Variants in KCTD19 observed in about 807,000 individuals in gnomAD.
The protein encoded by KCTD19 is BTB/POZ domain-containing protein KCTD19.
KCTD19 carries 67 observed loss-of-function variants against 103.5 expected under a neutral mutation model. The ratio of observed to expected loss-of-function variants is 0.65; its 90% CI spans 0.53 to 0.79. The LOEUF (loss-of-function observed/expected upper bound fraction) is 0.79, where lower values mean the gene tolerates loss of function less well. Among genes scored for constraint, KCTD19 ranks in the 30% least tolerant of loss-of-function variants. The pLI, the probability that KCTD19 is intolerant of heterozygous loss-of-function variation, is 0.00. For missense variants in KCTD19, 980 were observed against 1,136.1 expected (o/e 0.86, Z 1.98); for synonymous variants, 439 against 452.2 (o/e 0.97, Z 0.37).
chr16:67,291,020 G>C, intron 14 of KCTD19, 34 bp from the exon 15 acceptor site: 1 of 1,605,504 alleles, frequency 6.2e-7, no homozygotes, highest in Non-Finnish European at 8.5e-7. Flanking sequence ...GCAGTGCTAG[G>C]GCAGCTCCTA....
In KCTD19 at chr16:67,293,625, C is replaced by T. The variant is rs778232585; in HGVS notation, c.2137G>A (p.Glu713Lys). ...AGAGAKDKGP[E>K]PTFKPYLPPK... ...GGTAAGTATGGCTTGAAGGTTGGCT[C>T]TGGCCCCTTGTCTTTCGCTCCAGCT... The change falls in exon 12 of 16, where the codon GAG becomes AAG. Residue 713 changes from glutamate to lysine, a missense_variant. By Grantham distance (56) the Glu-to-Lys change is moderately conservative (BLOSUM62 1). Coordinates refer to ENST00000304372, the MANE Select transcript of KCTD19 (RefSeq NM_001100915.3). This position sits in a 1 kb window ranked among gnomAD's most constrained non-coding sequence, Gnocchi z 4.0. 2.5e-6 allele frequency: 4 copies of T among 1,614,056 alleles called. No individual in the cohort carries two copies. The highest frequency in any genetic ancestry group is 3.4e-6 in the Non-Finnish European group (4 of 1,180,028).
chr16:67,294,818 G>A lies in KCTD19; in HGVS notation c.1476-124C>T, dbSNP rs2036746082. The A allele has an allele frequency of 1.9e-5, 18 of 940,272 alleles. No homozygotes were observed. The South Asian group carries it at 2.5e-4, about 13-fold the overall frequency. The allele number at this position is 940,272 out of a possible 1,614,324, so 58.2% of individuals were successfully genotyped here. A position where few individuals can be genotyped will look rare whatever the true frequency, so the allele number is the denominator to read the frequency against. On this transcript the variant is annotated intron_variant, in intron 10 of 15. Transcript: ENST00000304372. ...CAGCAGGGAAGAAGGGGCTCTTAAA[G>A]GGTTTTGCCTAGGTCACTGGCCAAT...
chr16:67,312,204 A>G (rs2036956881), intron 2 of KCTD19, among the ~76,000 whole-genome samples: 1 of 152,214 alleles, frequency 6.6e-6, no homozygotes, highest in South Asian at 2.1e-4. Context: ...AGTGGACTTC[A>G]GGGGGGAAGT....
intron 2 of KCTD19, among the ~76,000 whole-genome samples, chr16:67,309,479 T>C (rs1255948470): frequency 6.6e-6 from 1 of 151,952 alleles, no homozygotes; most frequent in Non-Finnish European, 1.5e-5. Flanking sequence ...TTGGGTCTGA[T>C]TTGTGATGGA....
At chr16:67,315,844 C>T (rs1416360638) in intron 2 of KCTD19, among the ~76,000 whole-genome samples, 1 of 151,556 alleles carries the variant, frequency 6.6e-6, no homozygotes, top group East Asian at 2.0e-4. Flanking sequence ...CCAACCCTGA[C>T]CTCAAGTGAT....
intron 4 of KCTD19, 55 bp from the exon 5 acceptor site, chr16:67,301,977 G>A (rs929871780): frequency 6.3e-7 from 1 of 1,584,424 alleles, no homozygotes; most frequent in African/African-American, 1.3e-5. Context: ...TGGTTTAGCT[G>A]TAGGTCCTGG....
intron 15 of KCTD19, among the ~76,000 whole-genome samples, chr16:67,290,572 G>A (rs533564388): frequency 1.2e-4 from 19 of 152,172 alleles, no homozygotes; most frequent in Admixed American, 5.9e-4. Context: ...TGGTTGAAAA[G>A]GCCTCACTCC....
chr16:67,317,791 T>G (rs1253834252), intron 2 of KCTD19, among the ~76,000 whole-genome samples: 4 of 152,174 alleles, frequency 2.6e-5, no homozygotes, highest in African/African-American at 9.7e-5. Context: ...TATTGGATCA[T>G]CCTATGTTTT....
intron 4 of KCTD19, chr16:67,302,654 C>T (rs186337595): frequency 2.5e-5 from 4 of 161,668 alleles, no homozygotes; most frequent in Non-Finnish European, 5.3e-5. Flanking sequence ...GTGGACAATT[C>T]TGCTATGACT....
rs547440452 is a variant in KCTD19 at position 67,310,053 on chromosome 16, G to A, written c.301-5482C>T. 1.2e-4 allele frequency among the ~76,000 whole-genome samples: 19 copies of A among 152,312 alleles called. No individual in the cohort carries two copies. In the South Asian group the frequency reaches 3.3e-3, roughly 27 times the overall value. ...GGCATCGGCCTTGACCTAGGCTCAG[G>A]AGCCTCAACAAGGCTGTTTCCCGAA... On this transcript the variant is annotated intron_variant, in intron 2 of 15. Transcript: ENST00000304372.
chr16:67,290,167 C>CTTTTTTTTTTTTTTTTT (rs11296444), intron 15 of KCTD19, among the ~76,000 whole-genome samples: 1 of 69,282 alleles, frequency 1.4e-5, no homozygotes, highest in African/African-American at 5.8e-5. Context: ...TGAATATTTT[C>CTTTTTTTTTTTTTTTTT]TTTTTTTTTT....
intron 15 of KCTD19, among the ~76,000 whole-genome samples, chr16:67,290,458 G>A (rs907217767): frequency 1.3e-5 from 2 of 152,236 alleles, no homozygotes; most frequent in African/African-American, 2.4e-5. Flanking sequence ...GATTACAGGC[G>A]TGAGCCACCG....
In KCTD19 at chr16:67,303,108, C is replaced by CTGGGGGGGGGGGGGGGGGGGGGGG; in HGVS notation, c.643+37_643+38insCCCCCCCCCCCCCCCCCCCCCCCA. 1 of 798,078 alleles carries CTGGGGGGGGGGGGGGGGGGGGGGG rather than the reference C, an allele frequency of 1.3e-6. No homozygotes were observed. The highest frequency in any genetic ancestry group is 2.1e-6 in the Non-Finnish European group (1 of 476,660). The allele number at this position is 798,078 out of a possible 1,614,324, so 49.4% of individuals were successfully genotyped here. ...ATGGGGAGGGGTGAATGGGCCCTAT[C>CTGGGGGGGGGGGGGGGGGGGGGGG]AGCCCGCCCCCCACCCCACCCCGGA... On this transcript the variant is annotated intron_variant, in intron 4 of 15. Transcript: ENST00000304372. The surrounding 1 kb of genome is among the most constrained non-coding windows in gnomAD (Gnocchi z 4.3).
intron 1 of KCTD19, 63 bp downstream of exon 1, chr16:67,326,642 C>T (rs2037180228): frequency 6.4e-7 from 1 of 1,552,440 alleles, no homozygotes; most frequent in African/African-American, 1.4e-5. Flanking sequence ...CAATCCTTGG[C>T]CACAGCGGCC....
intron 6 of KCTD19, 52 bp from the exon 7 acceptor site, chr16:67,297,715 G>T (rs751826226): frequency 7.0e-6 from 11 of 1,565,444 alleles, no homozygotes; most frequent in Non-Finnish European, 9.6e-6. Context: ...TACCCCAAGA[G>T]AGTCGAGCCT....
chr16:67,294,030 T>C lies in KCTD19; in HGVS notation c.1732A>G (p.Asn578Asp), dbSNP rs2036734223. The C allele has an allele frequency of 6.2e-7, 1 of 1,614,158 alleles. No individual in the cohort carries two copies. Among genetic ancestry groups the C allele is most frequent in the Non-Finnish European group, 8.5e-7 (1 of 1,180,024 alleles). The part of the protein sequence containing the change: ...TRPIQVSLCR[N>D]AKRAGNPSTY... ...CTAGGGTTGCCAGCCCTCTTGGCAT[T>C]TCGGCATAGGGACACCTGGATGGGC... Residue 578 changes from asparagine (N) to aspartate (D), a missense_variant, in exon 12 of 16, where the codon AAT (asparagine) becomes GAT (aspartate). Transcript: ENST00000304372.
In KCTD19 at chr16:67,301,898, A is replaced by G; in HGVS notation, c.668T>C (p.Ile223Thr). Residue 223 changes from isoleucine (I) to threonine (T), a missense_variant, in exon 5 of 16, where the codon ATT (isoleucine) becomes ACT (threonine). By Grantham distance (89) the Ile-to-Thr change is moderately conservative. Transcript: ENST00000304372. Reference sequence around the variant, plus strand: ...GTTGGAGAAATTATCCGGTAGTAAAATCTTCTGTGAGCGAAGAAAATTCAC... The same window carrying G: ...GTTGGAGAAATTATCCGGTAGTAAAGTCTTCTGTGAGCGAAGAAAATTCAC... ...FIVNFLRSQK[I>T]LLPDNFSNID... is the part of the protein sequence containing the mutation. The G allele has an allele frequency of 1.9e-6, 3 of 1,613,812 alleles. No homozygotes were observed. The highest frequency in any genetic ancestry group is 2.5e-6 in the Non-Finnish European group (3 of 1,179,740).
rs2036724062 is a variant in KCTD19, at chr16:67,293,563, C to T, written c.2199G>A (p.Lys733=). The T allele has an allele frequency of 2.5e-6, 4 of 1,613,978 alleles. No homozygotes were observed. Residue 733 remains lysine, a synonymous_variant, in exon 12 of 16, where the codon AAG becomes AAA. Coordinates refer to ENST00000304372, the MANE Select transcript of KCTD19 (RefSeq NM_001100915.3). The surrounding 1 kb of genome is among the most constrained non-coding windows in gnomAD (Gnocchi z 4.0). ...KRAGTLKDWS[K]QRTKERESPA... is the part of the protein sequence containing the mutation. Reference sequence around the variant, plus strand: ...ACTCACCTCTCTCCTTGGTCCTCTGCTTGCTCCAGTCCTTCAGGGTGCCAG... The same window carrying T: ...ACTCACCTCTCTCCTTGGTCCTCTGTTTGCTCCAGTCCTTCAGGGTGCCAG...
intron 1 of KCTD19, among the ~76,000 whole-genome samples, chr16:67,321,300 A>G (rs2037070512): frequency 6.6e-6 from 1 of 152,274 alleles, no homozygotes; most frequent in Non-Finnish European, 1.5e-5. Context: ...AGTGAAATTA[A>G]GAAAACAATT....
Sources: gnomAD v4.1 joint callset for allele counts (sites outside exome capture counted in the v4.1 genomes callset) on GRCh38, gnomAD v4.1.1 for gene constraint, Gnocchi (gnomAD v3.1) non-coding constraint, MANE v1.5 for transcripts, NCBI Gene and HGNC (gene_info 2026-07-23, HGNC 2026-07-21) for gene names.